The following KDM7A variants were observed in gnomAD, a reference collection of about 807,000 sequenced individuals.
KDM7A encodes lysine-specific demethylase 7A.
In KDM7A, 28 loss-of-function variants were observed where a neutral mutation model predicts 114.8. The ratio of observed to expected loss-of-function variants is 0.24; its 90% CI spans 0.18 to 0.33. The LOEUF (loss-of-function observed/expected upper bound fraction) is 0.33. Ranked by LOEUF, KDM7A falls within the 10% of genes least tolerant of loss-of-function variation. The pLI is 1.00. For synonymous variants in KDM7A, 423 were observed against 397.8 expected (o/e 1.06, Z -0.75); for missense variants, 942 against 1,142.5 (o/e 0.82, Z 2.53).
At chr7:140,113,603 T>C in intron 9 of KDM7A, 21 bp from the exon 10 acceptor site, 2 of 1,334,202 alleles carry the variant, frequency 1.5e-6, no homozygotes, top group Non-Finnish European at 2.1e-6. Context: ...GGAAATGGGG[T>C]GAGAAAAAAA....
intron 14 of KDM7A, among the ~76,000 whole-genome samples, chr7:140,098,114 T>C (rs1818145144): frequency 6.6e-6 from 1 of 152,248 alleles, no homozygotes; most frequent in Non-Finnish European, 1.5e-5. Flanking sequence ...AATGGTTTGA[T>C]GGATTCCTGT....
intron 1 of KDM7A, among the ~76,000 whole-genome samples, chr7:140,141,842 C>A (rs1191042824): frequency 6.6e-6 from 1 of 150,972 alleles, no homozygotes; most frequent in East Asian, 1.9e-4. Flanking sequence ...TGCAGTGAAC[C>A]GAAATCACAC....
Position 140,105,334 on chromosome 7 carries a change from G to A in KDM7A, c.1429-3174C>T, listed in dbSNP as rs566957732. 2.0e-5 allele frequency among the ~76,000 whole-genome samples: 3 copies of A among 152,284 alleles called. No individual in the cohort carries two copies. The South Asian group carries it at 6.2e-4, about 32-fold the overall frequency. ...GAACTTCCAACACTATGTTGAATAG[G>A]AGTGGTGAGAGAGGGCATTCCTGTC... On this transcript the variant is annotated intron_variant, in intron 11 of 19. Coordinates refer to ENST00000397560, the MANE Select transcript of KDM7A (RefSeq NM_030647.2).
intron 18 of KDM7A, among the ~76,000 whole-genome samples, 179 bp downstream of exon 18, chr7:140,093,873 TGTTA>T (rs543499226): frequency 5.1e-4 from 77 of 152,364 alleles, no homozygotes; most frequent in Middle Eastern, 6.8e-3. Context: ...ATGAGCCTTA[TGTTA>T]GTTATCATTT....
chr7:140,145,800 A>G (rs1338254599), intron 1 of KDM7A, among the ~76,000 whole-genome samples: 3 of 152,194 alleles, frequency 2.0e-5, no homozygotes, highest in African/African-American at 7.2e-5. Flanking sequence ...CAAAAGAATT[A>G]GAGAAAAAAA....
At chr7:140,168,529 CT>C (rs1309725273) in intron 1 of KDM7A, among the ~76,000 whole-genome samples, 1 of 151,304 alleles carries the variant, frequency 6.6e-6, no homozygotes, top group Non-Finnish European at 1.5e-5. Context: ...GATCGCACCA[CT>C]GCACTCCAGC....
Position 140,098,920 on chromosome 7 carries a change from A to T in KDM7A, c.1877T>A (p.Val626Glu), listed in dbSNP as rs1312711153. The change falls in exon 14 of 20, where the codon GTA (valine) becomes GAA (glutamate). Residue 626 changes from valine to glutamate, a missense_variant. Val to Glu is a moderately radical substitution (Grantham distance 121). Transcript: ENST00000397560. ...AKMKIEESSGVEGVEHEESQK... is the reference protein window; with the variant it reads ...AKMKIEESSGEEGVEHEESQK... Reference sequence around the variant, plus strand: ...AGATTCTTCATGTTCCACTCCCTCTACTCCTGAACTCTCTTCTATCTTCAT... The same window carrying T: ...AGATTCTTCATGTTCCACTCCCTCTTCTCCTGAACTCTCTTCTATCTTCAT... 6.2e-7 allele frequency: 1 copy of T among 1,611,356 alleles called. No individual in the cohort carries two copies. Among genetic ancestry groups the T allele is most frequent in the African/African-American group, 1.3e-5 (1 of 74,312 alleles).
At chr7:140,150,827 CTTTTT>C (rs922394260) in intron 1 of KDM7A, among the ~76,000 whole-genome samples, 2 of 127,866 alleles carry the variant, frequency 1.6e-5, no homozygotes, top group Non-Finnish European at 1.7e-5. Context: ...AATCTCTGTT[CTTTTT>C]TTTTTTTTTT....
intron 1 of KDM7A, among the ~76,000 whole-genome samples, chr7:140,151,462 CCG>C (rs1210321669): frequency 2.6e-5 from 4 of 151,968 alleles, no homozygotes; most frequent in African/African-American, 9.7e-5. Flanking sequence ...ATCTTGGAGC[CCG>C]TTTAAATATA....
intron 1 of KDM7A, among the ~76,000 whole-genome samples, chr7:140,160,342 T>G (rs1040231948): frequency 1.3e-5 from 2 of 152,160 alleles, no homozygotes; most frequent in African/African-American, 4.8e-5. Flanking sequence ...GTCACTCATA[T>G]CCTAACGTTA....
At chr7:140,165,850 A>AC (rs1794568564) in intron 1 of KDM7A, among the ~76,000 whole-genome samples, 2 of 151,826 alleles carry the variant, frequency 1.3e-5, no homozygotes, top group African/African-American at 4.8e-5. Flanking sequence ...GGAAAGAAAA[A>AC]AAAACAGTAT....
At chr7:140,135,164 T>G (rs1818846867) in intron 2 of KDM7A, among the ~76,000 whole-genome samples, 1 of 152,028 alleles carries the variant, frequency 6.6e-6, no homozygotes, top group South Asian at 2.1e-4. Context: ...TTGAGTGTAT[T>G]TCATTCCAGA....
intron 9 of KDM7A, 114 bp downstream of exon 9, chr7:140,118,999 T>C (rs1311035834): frequency 5.1e-6 from 3 of 584,004 alleles, no homozygotes; most frequent in Non-Finnish European, 9.1e-6. Flanking sequence ...AAAAACAAAA[T>C]AGGAGTGACA....
intron 1 of KDM7A, among the ~76,000 whole-genome samples, chr7:140,140,566 G>A (rs1794257796): frequency 6.6e-6 from 1 of 151,970 alleles, no homozygotes; most frequent in African/African-American, 2.4e-5. Context: ...ACGAGATCAG[G>A]AGTTCAAGAT....
At chr7:140,106,252 AT>A (rs561119495) in intron 11 of KDM7A, among the ~76,000 whole-genome samples, 2 of 151,812 alleles carry the variant, frequency 1.3e-5, no homozygotes, top group African/African-American at 2.4e-5. Context: ...AGATTCATTG[AT>A]TTTTTTGAAG....
intron 10 of KDM7A, 146 bp from the exon 11 acceptor site, chr7:140,111,330 G>C (rs530214179): frequency 6.9e-6 from 4 of 582,908 alleles, no homozygotes; most frequent in South Asian, 6.4e-5. Context: ...AGTTCGTGTA[G>C]CTAGTATAAT....
intron 11 of KDM7A, 98 bp from the exon 12 acceptor site, chr7:140,102,258 A>G (rs1818243239): frequency 1.1e-6 from 1 of 907,118 alleles, no homozygotes; most frequent in Non-Finnish European, 1.7e-6. Flanking sequence ...AACAAAAACC[A>G]TTCAGTTTAA....
Position 140,087,581 on chromosome 7 carries a change from A to G in KDM7A, c.*3513T>C, listed in dbSNP as rs1047044333. 3 of 152,324 alleles carry G rather than the reference A, an allele frequency of 2.0e-5. No individual in the cohort carries two copies. The South Asian group carries it at 6.2e-4, about 32-fold the overall frequency. The allele number at this position is 152,324 out of a possible 1,614,324, so 9.4% of individuals were successfully genotyped here. On this transcript the variant is annotated 3_prime_UTR_variant, in exon 20 of 20. Transcript: ENST00000397560. ...CTCTGTATGTATGAAGTGTTAAGAGATTTTCTTAATTGATTATCATAATAA... is the reference window on the plus strand; with the variant it reads ...CTCTGTATGTATGAAGTGTTAAGAGGTTTTCTTAATTGATTATCATAATAA...
chr7:140,164,584 T>G (rs1026793300), intron 1 of KDM7A, among the ~76,000 whole-genome samples: 2 of 152,230 alleles, frequency 1.3e-5, no homozygotes, highest in African/African-American at 4.8e-5. Flanking sequence ...TAGATCTTGA[T>G]TCAAACAAAT....
Sources: gnomAD v4.1 joint callset for allele counts (sites outside exome capture counted in the v4.1 genomes callset) on GRCh38, gnomAD v4.1.1 for gene constraint, MANE v1.5 for transcripts, NCBI Gene and HGNC (gene_info 2026-07-23, HGNC 2026-07-21) for gene names.